The following PRSS22 variants were observed in gnomAD, a reference collection of about 807,000 sequenced individuals.
PRSS22 encodes brain-specific serine protease 4.
PRSS22 carries 26 observed loss-of-function variants against 28.0 expected under a neutral mutation model. That is an observed-to-expected ratio of 0.93 (90% confidence interval 0.68 to 1.29). The LOEUF is 1.29. Ranked by LOEUF, PRSS22 falls within the 50% of genes most tolerant of loss-of-function variation. PRSS22 has a pLI of 0.00. For synonymous variants in PRSS22, 217 were observed against 177.9 expected, an observed-to-expected ratio of 1.22 and a Z score of -1.75; for missense variants, 444 against 422.1, an observed-to-expected ratio of 1.05 and a Z score of -0.46.
At position 2,852,869 on chromosome 16, in the gene PRSS22, G is replaced by T; in HGVS notation, c.*224C>A. ...CGGGGCCGGAAGTCGTGGGGGCGGG[G>T]ACATGAGGCCGTTGGGCGGGGCCTG... is the stretch of plus-strand genomic sequence containing the variant. On this transcript the variant is annotated 3_prime_UTR_variant, in exon 6 of 6. Transcript: ENST00000161006. 1.9e-6 allele frequency: 1 copy of T among 536,140 alleles called. No homozygotes were observed. Among genetic ancestry groups the T allele is most frequent in the South Asian group, 2.5e-5 (1 of 40,610 alleles). 33.2% of individuals were successfully genotyped at this position (536,140 alleles called of 1,614,324 possible).
rs1208446861 is a variant in PRSS22 at position 2,853,180 on chromosome 16, C to A, written c.867G>T (p.Val289=). 1 of 1,599,622 alleles carries A rather than the reference C, an allele frequency of 6.3e-7. No homozygotes were observed. The highest frequency in any genetic ancestry group is 1.1e-5 in the South Asian group (1 of 91,078). The change falls in exon 6 of 6, where the codon GTG becomes GTT. Residue 289 remains valine, a synonymous_variant. Transcript: ENST00000161006. The surrounding 1 kb of genome is among the most constrained non-coding windows in gnomAD (Gnocchi z 4.6). ...SAHRSWVEKI[V]QGVQLRGRAQ... is the part of the protein sequence containing the mutation. ...CGCGCCCGCGGAGCTGCACCCCTTG[C>A]ACGATCTTCTCCACCCAGGAGCGGT...
In PRSS22 at chr16:2,853,924, G is replaced by T; in HGVS notation, c.658C>A (p.Pro220Thr). ...HLYWRGAGQG[P>T]ITEDMLCAGY... is the part of the protein sequence containing the mutation. ...GCACACAGCATGTCCTCAGTGATGG[G>T]TCCCTGTCCTGCTCCCCGCCAGTAC... is the stretch of plus-strand genomic sequence containing the variant. Residue 220 changes from proline to threonine, a missense_variant, in exon 5 of 6, where the codon CCC becomes ACC. Transcript: ENST00000161006. The surrounding 1 kb of genome is among the most constrained non-coding windows in gnomAD (Gnocchi z 4.6). 1 of 1,614,196 alleles carries T rather than the reference G, an allele frequency of 6.2e-7. No individual in the cohort carries two copies. The highest frequency in any genetic ancestry group is 8.5e-7 in the Non-Finnish European group (1 of 1,180,042).
Position 2,852,929 on chromosome 16 carries a change from G to T in PRSS22, c.*164C>A. Reference sequence around the variant, plus strand: ...AGGCGGGGCCTGAGGCCGTCGGGCGGGTCGGGGAGGGGGTTTCCTTTCCGC... The same window carrying T: ...AGGCGGGGCCTGAGGCCGTCGGGCGTGTCGGGGAGGGGGTTTCCTTTCCGC... On this transcript the variant is annotated 3_prime_UTR_variant, in exon 6 of 6. Transcript: ENST00000161006. The T allele has an allele frequency of 1.7e-6, 1 of 598,742 alleles. No homozygotes were observed. Among genetic ancestry groups the T allele is most frequent in the Non-Finnish European group, 2.9e-6 (1 of 350,204 alleles). 37.1% of individuals were successfully genotyped at this position (598,742 alleles called of 1,614,324 possible). A position where few individuals can be genotyped will look rare whatever the true frequency, so the allele number is the denominator to read the frequency against.
At position 2,853,116 on chromosome 16, in the gene PRSS22, AGCCCTGGCTCGGT is replaced by A; in HGVS notation, c.918_930del (p.Pro307LeufsTer103). Reference sequence around the variant, plus strand: ...CCCTAGGAGCGCGCGGCGGCCCCAGAGCCCTGGCTCGGTGCCCTGAGGGCCCCACCCCCCTGAG... The same window carrying A: ...CCCTAGGAGCGCGCGGCGGCCCCAGAGCCCTGAGGGCCCCACCCCCCTGAG... On this transcript the variant is annotated frameshift_variant, in exon 6 of 6. Transcript: ENST00000161006. LOFTEE classifies it low-confidence loss of function (END_TRUNC). This position sits in a 1 kb window ranked among gnomAD's most constrained non-coding sequence, Gnocchi z 4.6. 6.3e-7 allele frequency: 1 copy of A among 1,593,988 alleles called. No individual in the cohort carries two copies. The highest frequency in any genetic ancestry group is 8.5e-7 in the Non-Finnish European group (1 of 1,176,930).
At chr16:2,856,932 G>GA in intron 1 of PRSS22, 84 bp from the exon 2 acceptor site, 1 of 1,470,136 alleles carries the variant, frequency 6.8e-7, no homozygotes, top group Non-Finnish European at 9.3e-7. Context: ...CAGTGAGGAA[G>GA]GCCCCCAACA....
In PRSS22 at chr16:2,858,059, CGA is replaced by C. The variant is rs1339026373; in HGVS notation, c.44_45del (p.Leu15ArgfsTer43). On this transcript the variant is annotated frameshift_variant, in exon 1 of 6. Coordinates refer to ENST00000161006, the MANE Select transcript of PRSS22 (RefSeq NM_022119.4). LOFTEE classifies it high-confidence loss of function. ...AGCAGCAGCAGGGAGGTGAAGGTGCCGAGACAGCCCCCACCCAGGGCTGGGGG... is the reference window on the plus strand; with the variant it reads ...AGCAGCAGCAGGGAGGTGAAGGTGCCGACAGCCCCCACCCAGGGCTGGGGG... ...GAPPALGGGCLGTFTSLLLLA... is the reference protein window; with the variant it reads ...GAPPALGGGCXGTFTSLLLLA... 14 of 1,276,956 alleles carry C rather than the reference CGA, an allele frequency of 1.1e-5. No individual in the cohort carries two copies. The highest frequency in any genetic ancestry group is 6.2e-5 in the African/African-American group (4 of 64,832). The allele number at this position is 1,276,956 out of a possible 1,614,324, so 79.1% of individuals were successfully genotyped here.
rs936992839 is a variant in PRSS22, at chr16:2,853,637, C to T, written c.717+228G>A. Among the ~76,000 whole-genome samples the T allele has an allele frequency of 1.1e-4, 16 of 152,208 alleles. No individual in the cohort carries two copies. The highest frequency in any genetic ancestry group is 2.2e-4 in the African/African-American group (9 of 41,450). On this transcript the variant is annotated intron_variant, in intron 5 of 5. Transcript: ENST00000161006. The surrounding 1 kb of genome is among the most constrained non-coding windows in gnomAD (Gnocchi z 4.6). ...AAGCCCCCTGAAGGAAATGAAAGCTCGCGGAGGGCGAGGTGGTGCAGCTGG... is the reference window on the plus strand; with the variant it reads ...AAGCCCCCTGAAGGAAATGAAAGCTTGCGGAGGGCGAGGTGGTGCAGCTGG...
chr16:2,853,729 G>T lies in PRSS22; in HGVS notation c.717+136C>A. On this transcript the variant is annotated intron_variant, in intron 5 of 5. Transcript: ENST00000161006. This position sits in a 1 kb window ranked among gnomAD's most constrained non-coding sequence, Gnocchi z 4.6. ...GCCAGGCTGAGGCTGGTTCTATGGG[G>T]ACCCGGGACTGTCAGGCACAGCCAG... 1.1e-6 allele frequency: 1 copy of T among 943,116 alleles called. No homozygotes were observed. The highest frequency in any genetic ancestry group is 1.6e-6 in the Non-Finnish European group (1 of 640,292). 58.4% of individuals were successfully genotyped at this position (943,116 alleles called of 1,614,324 possible).
chr16:2,857,426 G>T (rs2069472210), intron 1 of PRSS22, among the ~76,000 whole-genome samples: 1 of 152,264 alleles, frequency 6.6e-6, no homozygotes, highest in East Asian at 1.9e-4. Context: ...GTGAGGAGGG[G>T]GTCCCCTTGA....
At chr16:2,854,541 A>G (rs957143433) in intron 4 of PRSS22, 1 of 154,214 alleles carries the variant, frequency 6.5e-6, no homozygotes, top group East Asian at 1.9e-4. Flanking sequence ...CACCTGAGCT[A>G]GTGTCATTTC....
intron 2 of PRSS22, among the ~76,000 whole-genome samples, chr16:2,856,573 T>TC (rs1304222407): frequency 2.0e-5 from 3 of 150,764 alleles, no homozygotes; most frequent in Non-Finnish European, 4.4e-5. Flanking sequence ...GGTCTCTCCC[T>TC]CCCCCTCTTT....
intron 2 of PRSS22, among the ~76,000 whole-genome samples, chr16:2,856,621 C>G (rs929042874): frequency 6.6e-6 from 1 of 151,952 alleles, no homozygotes; most frequent in Non-Finnish European, 1.5e-5. Flanking sequence ...CTTCCTGGCT[C>G]TCTCTCTCCT....
chr16:2,853,449 G>A lies in PRSS22; in HGVS notation c.718-120C>T. 4.9e-6 allele frequency: 4 copies of A among 816,102 alleles called. No homozygotes were observed. The highest frequency in any genetic ancestry group is 7.6e-6 in the Non-Finnish European group (4 of 526,606). The allele number at this position is 816,102 out of a possible 1,614,324, so 50.6% of individuals were successfully genotyped here. On this transcript the variant is annotated intron_variant, in intron 5 of 5. Coordinates refer to ENST00000161006, the MANE Select transcript of PRSS22 (RefSeq NM_022119.4). The surrounding 1 kb of genome is among the most constrained non-coding windows in gnomAD (Gnocchi z 4.6). ...CGGGAGCCCGTTTCTCCTTCCTGGA[G>A]GAGACAGGACCTGAGCTCCACCCAG...
At position 2,853,337 on chromosome 16, in the gene PRSS22, G is replaced by T; in HGVS notation, c.718-8C>A. The T allele has an allele frequency of 6.3e-7, 1 of 1,589,714 alleles. No individual in the cohort carries two copies. Among genetic ancestry groups the T allele is most frequent in the Non-Finnish European group, 8.5e-7 (1 of 1,174,992 alleles). ...GGGGCCCCCGGAGTCGCCCTGCAGA[G>T]AGGAGGCGAGGTTAGGAACCCCCGT... On this transcript the variant is annotated splice_polypyrimidine_tract_variant and splice_region_variant and intron_variant, in intron 5 of 5. Transcript: ENST00000161006. The surrounding 1 kb of genome is among the most constrained non-coding windows in gnomAD (Gnocchi z 4.6).
chr16:2,856,909 G>T, intron 1 of PRSS22, 61 bp from the exon 2 acceptor site: 1 of 1,537,738 alleles, frequency 6.5e-7, no homozygotes, highest in Non-Finnish European at 8.8e-7. Flanking sequence ...AGTGGTGAGG[G>T]GCCCTCAACG....
At chr16:2,856,985 C>T in intron 1 of PRSS22, 137 bp from the exon 2 acceptor site, 2 of 1,027,450 alleles carry the variant, frequency 1.9e-6, no homozygotes, top group East Asian at 5.2e-5. Flanking sequence ...GTGGAGGTCC[C>T]AGCACCCAGT....
Position 2,853,412 on chromosome 16 carries a change from T to C in PRSS22, c.718-83A>G, listed in dbSNP as rs2069425654. On this transcript the variant is annotated intron_variant, in intron 5 of 5. Coordinates refer to ENST00000161006, the MANE Select transcript of PRSS22 (RefSeq NM_022119.4). This position sits in a 1 kb window ranked among gnomAD's most constrained non-coding sequence, Gnocchi z 4.6. ...GGCCCGTGCCCTGTCAGGGGGCAGA[T>C]GAGCCCCTTCCCGGGAGCCCGTTTC... 1 of 1,154,860 alleles carries C rather than the reference T, an allele frequency of 8.7e-7. No individual in the cohort carries two copies. The highest frequency in any genetic ancestry group is 2.5e-5 in the East Asian group (1 of 39,950). 71.5% of individuals were successfully genotyped at this position (1,154,860 alleles called of 1,614,324 possible). A position where few individuals can be genotyped will look rare whatever the true frequency, so the allele number is the denominator to read the frequency against.
rs1053201239 is a variant in PRSS22, at chr16:2,853,993, T to A, written c.589A>T (p.Lys197Ter). ...VPLPHPQTLQ[K>*]LKVPIIDSEV... ...GAGTCGATGATAGGAACCTTCAGCT[T>A]CTGCAGGGTCTGAGGGTGGGGCAAG... is the stretch of plus-strand genomic sequence containing the variant. The change falls in exon 5 of 6, where the codon AAG (lysine) becomes TAG (stop). Residue 197 changes from lysine (K) to a stop codon, truncating the protein, a stop_gained. Transcript: ENST00000161006. LOFTEE classifies it high-confidence loss of function. This position sits in a 1 kb window ranked among gnomAD's most constrained non-coding sequence, Gnocchi z 4.6. The A allele has an allele frequency of 5.6e-6, 9 of 1,614,210 alleles. No individual in the cohort carries two copies. Among genetic ancestry groups the A allele is most frequent in the Non-Finnish European group, 6.8e-6 (8 of 1,180,042 alleles).
chr16:2,853,770 C>A lies in PRSS22; in HGVS notation c.717+95G>T, dbSNP rs370625385. The A allele has an allele frequency of 2.1e-6, 3 of 1,413,872 alleles. No individual in the cohort carries two copies. Among genetic ancestry groups the A allele is most frequent in the Non-Finnish European group, 2.9e-6 (3 of 1,037,892 alleles). 87.6% of individuals were successfully genotyped at this position (1,413,872 alleles called of 1,614,324 possible). A position where few individuals can be genotyped will look rare whatever the true frequency, so the allele number is the denominator to read the frequency against. ...GCACAGCCAGTTCTGGGGAGGAGGC[C>A]AGGGAGAGGTTGTGGGGCTCAGTGG... On this transcript the variant is annotated intron_variant, in intron 5 of 5. Transcript: ENST00000161006. The surrounding 1 kb of genome is among the most constrained non-coding windows in gnomAD (Gnocchi z 4.6).
Sources: allele counts gnomAD v4.1 joint callset (sites outside exome capture counted in the v4.1 genomes callset), GRCh38; gene constraint gnomAD v4.1.1; non-coding constraint Gnocchi (gnomAD v3.1); transcripts MANE v1.5; gene names NCBI Gene and HGNC (gene_info 2026-07-23, HGNC 2026-07-21).